The following PAXBP1 variants were observed in gnomAD, a reference collection of about 807,000 sequenced individuals.
The protein encoded by PAXBP1 is PAX3 and PAX7 binding protein 1, also known as PAX3- and PAX7-binding protein 1.
In PAXBP1, 44 loss-of-function variants were observed where a neutral mutation model predicts 119.9. That is an observed-to-expected ratio of 0.37 (90% confidence interval 0.29 to 0.47). The LOEUF (loss-of-function observed/expected upper bound fraction) is 0.47. Ranked by LOEUF, PAXBP1 falls within the 20% of genes least tolerant of loss-of-function variation. The pLI is 0.99. For synonymous variants in PAXBP1, 393 were observed against 406.6 expected (o/e 0.97, Z 0.40); for missense variants, 898 against 1,134.1 (o/e 0.79, Z 2.99).
chr21:32,771,264 G>T (rs970220348), intron 1 of PAXBP1, 62 bp downstream of exon 1: 47 of 1,431,574 alleles, frequency 3.3e-5, no homozygotes, highest in Non-Finnish European at 4.2e-5. Context: ...ATACGGGGGC[G>T]GGGGACGGGG....
chr21:32,751,037 A>G lies in PAXBP1; in HGVS notation c.1608-5T>C. ...CTGGCTTGTCTACGACGAGTCCTAA[A>G]TAATAAACATCAAGTTCCCAAACTA... On this transcript the variant is annotated splice_region_variant and splice_polypyrimidine_tract_variant and intron_variant, in intron 9 of 17. Transcript: ENST00000331923. The G allele has an allele frequency of 1.2e-6, 2 of 1,613,762 alleles. No homozygotes were observed. Among genetic ancestry groups the G allele is most frequent in the Non-Finnish European group, 1.7e-6 (2 of 1,179,802 alleles).
chr21:32,768,505 C>A lies in PAXBP1; in HGVS notation c.472+1309G>T, dbSNP rs146926279. Among the ~76,000 whole-genome samples, 3 of 152,282 alleles carry A rather than the reference C, an allele frequency of 2.0e-5. No individual in the cohort carries two copies. In the East Asian group the frequency reaches 5.8e-4, roughly 29 times the overall value. ...ATCATTCTTTCTTTCCACTTCTCCC[C>A]CTAAAACAACAGAAAACATTTTTAA... is the stretch of plus-strand genomic sequence containing the variant. On this transcript the variant is annotated intron_variant, in intron 2 of 17. Transcript: ENST00000331923.
chr21:32,768,252 G>T (rs1256436174), intron 2 of PAXBP1, among the ~76,000 whole-genome samples: 3 of 152,132 alleles, frequency 2.0e-5, no homozygotes, highest in Non-Finnish European at 4.4e-5. Flanking sequence ...CAACATAAAG[G>T]CCCTTAGTAG....
At chr21:32,756,333 C>T in intron 7 of PAXBP1, 1 of 531,306 alleles carries the variant, frequency 1.9e-6, no homozygotes. Context: ...GGAACACTGG[C>T]ACCAAGTGTT....
chr21:32,738,126 C>T lies in PAXBP1; in HGVS notation c.2481+47G>A, dbSNP rs2043720706. 5 of 1,464,706 alleles carry T rather than the reference C, an allele frequency of 3.4e-6. No homozygotes were observed. The East Asian group carries it at 1.3e-4, about 38-fold the overall frequency. The allele number at this position is 1,464,706 out of a possible 1,614,324, so 90.7% of individuals were successfully genotyped here. A position where few individuals can be genotyped will look rare whatever the true frequency, so the allele number is the denominator to read the frequency against. On this transcript the variant is annotated intron_variant, in intron 16 of 17. Transcript: ENST00000331923. ...TCTTCAAACAAACAAAAACTTAATT[C>T]ATTTTAAATTATATGCTTTAAAAAC...
At chr21:32,741,470 T>G (rs777054364) in intron 15 of PAXBP1, 4 of 749,808 alleles carry the variant, frequency 5.3e-6, no homozygotes, top group Non-Finnish European at 9.9e-6. Context: ...TGTACAGGCA[T>G]GCAGAAACAT....
At chr21:32,736,949 T>C (rs572129020) in intron 17 of PAXBP1, among the ~76,000 whole-genome samples, 50 of 152,090 alleles carry the variant, frequency 3.3e-4, no homozygotes, top group Non-Finnish European at 6.0e-4. Context: ...ATAATGAAAC[T>C]CCAAACAAGA....
At chr21:32,736,436 C>T in intron 17 of PAXBP1, among the ~76,000 whole-genome samples, 1 of 152,208 alleles carries the variant, frequency 6.6e-6, no homozygotes, top group East Asian at 1.9e-4. Context: ...ATCCACCTGC[C>T]TCAGCCTCCC....
chr21:32,757,361 A>G (rs2044060101), intron 7 of PAXBP1, among the ~76,000 whole-genome samples: 1 of 152,164 alleles, frequency 6.6e-6, no homozygotes. Context: ...AATACACATG[A>G]AAATGTTAGA....
In PAXBP1 at chr21:32,771,644, T is replaced by C; in HGVS notation, c.25A>G (p.Asn9Asp). 1 of 1,445,028 alleles carries C rather than the reference T, an allele frequency of 6.9e-7. No individual in the cohort carries two copies. Among genetic ancestry groups the C allele is most frequent in the Non-Finnish European group, 9.1e-7 (1 of 1,101,264 alleles). 89.5% of individuals were successfully genotyped at this position (1,445,028 alleles called of 1,614,324 possible). MFRKARRVNVRKRNDSEEE... is the reference protein window; with the variant it reads MFRKARRVDVRKRNDSEEE... ...TCGGAGTCGTTCCGCTTGCGCACGT[T>C]CACCCGCCGGGCCTTTCGGAACATC... The change falls in exon 1 of 18, where the codon AAC (asparagine) becomes GAC (aspartate). Residue 9 changes from asparagine (N) to aspartate (D), a missense_variant. Transcript: ENST00000331923.
chr21:32,745,696 T>C lies in PAXBP1; in HGVS notation c.1946A>G (p.Asn649Ser), dbSNP rs1333379499. The C allele has an allele frequency of 1.9e-6, 3 of 1,613,954 alleles. No homozygotes were observed. In the South Asian group the frequency reaches 3.3e-5, roughly 18 times the overall value. Residue 649 changes from asparagine (N) to serine (S), a missense_variant, in exon 12 of 18, where the codon AAT becomes AGT. Around this residue, in one of 2 missense-constraint regions of PAXBP1, gnomAD observed 599 missense variants for 852.7 expected, o/e 0.70. Transcript: ENST00000331923. The part of the protein sequence containing the change: ...PLEAKCRDFE[N>S]MLWFESLLFY... Reference sequence around the variant, plus strand: ...CAGCAAAGATTCAAACCACAGCATATTCTCAAAGTCACGACATTTTGCCTA... The same window carrying C: ...CAGCAAAGATTCAAACCACAGCATACTCTCAAAGTCACGACATTTTGCCTA...
chr21:32,759,395 C>T, intron 6 of PAXBP1, 126 bp from the exon 7 acceptor site: 1 of 997,644 alleles, frequency 1.0e-6, no homozygotes, highest in South Asian at 1.8e-5. Flanking sequence ...GGAATGGCAT[C>T]TTTTCCTCTG....
intron 11 of PAXBP1, among the ~76,000 whole-genome samples, chr21:32,747,107 G>T (rs2043885562): frequency 6.6e-6 from 1 of 151,922 alleles, no homozygotes; most frequent in Admixed American, 6.6e-5. Flanking sequence ...ACTTGGGGGA[G>T]GGAGAGCAAC....
intron 17 of PAXBP1, among the ~76,000 whole-genome samples, chr21:32,735,327 T>C (rs1306109027): frequency 1.3e-5 from 2 of 152,150 alleles, no homozygotes; most frequent in African/African-American, 2.4e-5. Flanking sequence ...ACAAAATTCA[T>C]TGAGATCAAT....
At chr21:32,756,275 A>G (rs2044041325) in intron 7 of PAXBP1, 1 of 533,882 alleles carries the variant, frequency 1.9e-6, no homozygotes, top group Admixed American at 1.9e-5. Context: ...CAGAAATTCT[A>G]GTTTCCTGAT....
In PAXBP1 at chr21:32,751,209, A is replaced by C. The variant is rs2043953873; in HGVS notation, c.1517T>G (p.Leu506Arg). Residue 506 changes from leucine to arginine, a missense_variant, in exon 9 of 18, where the codon CTG becomes CGG. Around this residue, in one of 2 missense-constraint regions of PAXBP1, gnomAD observed 599 missense variants for 852.7 expected, o/e 0.70. Coordinates refer to ENST00000331923, the MANE Select transcript of PAXBP1 (RefSeq NM_016631.4). ...AAAGGAGTCAAGATTTGGTGCCATC[A>C]GAGCTTTGTCTGCAAAACAACAACA... ...SEFSSHSNKA[L>R]MAPNLDSFGR... is the part of the protein sequence containing the mutation. 6.2e-7 allele frequency: 1 copy of C among 1,613,996 alleles called. No homozygotes were observed. Among genetic ancestry groups the C allele is most frequent in the Non-Finnish European group, 8.5e-7 (1 of 1,179,952 alleles).
intron 10 of PAXBP1, among the ~76,000 whole-genome samples, chr21:32,749,438 G>A (rs575938780): frequency 4.0e-5 from 6 of 151,826 alleles, no homozygotes; most frequent in South Asian, 2.1e-4. Flanking sequence ...CAAGTGGTCC[G>A]CTGCCTCGGC....
intron 2 of PAXBP1, among the ~76,000 whole-genome samples, chr21:32,769,282 G>T (rs77475970): frequency 1.5e-4 from 23 of 152,090 alleles, no homozygotes; most frequent in Middle Eastern, 3.4e-3. Context: ...TTTGAGAGAC[G>T]TAAGAGATGT....
chr21:32,756,638 G>T, intron 7 of PAXBP1: 2 of 260,450 alleles, frequency 7.7e-6, no homozygotes, highest in South Asian at 7.3e-5. Context: ...CCACAACATT[G>T]CCATTTACAC....
Sources: gnomAD v4.1 joint callset for allele counts (sites outside exome capture counted in the v4.1 genomes callset) on GRCh38, gnomAD v4.1.1 for gene constraint, gnomAD v4.1.1 regional missense constraint, MANE v1.5 for transcripts, NCBI Gene and HGNC (gene_info 2026-07-23, HGNC 2026-07-21) for gene names.